FOXO1: variants seen among roughly 807,000 people sequenced by gnomAD.
FOXO1 encodes the protein forkhead box O1.
Under a neutral mutation model 44.1 loss-of-function variants are expected in FOXO1, and 6 were observed. The observed-to-expected ratio is 0.14, with a 90% CI of 0.07 to 0.27. The LOEUF is 0.27. Ranked by LOEUF, FOXO1 falls within the 10% of genes least tolerant of loss-of-function variation. The pLI, the probability that FOXO1 is intolerant of heterozygous loss-of-function variation, is 1.00. For missense variants in FOXO1, 737 were observed against 888.8 expected (o/e 0.83, Z 2.17); for synonymous variants, 380 against 362.7 (o/e 1.05, Z -0.54).
chr13:40,664,272 G>A (rs1236949069), intron 1 of FOXO1, among the ~76,000 whole-genome samples: 1 of 152,176 alleles, frequency 6.6e-6, no homozygotes, highest in African/African-American at 2.4e-5. Flanking sequence ...ACTCCGTCTC[G>A]GAGGAGGGGA....
At chr13:40,570,746 G>A (rs1054934073) in intron 1 of FOXO1, among the ~76,000 whole-genome samples, 1 of 152,204 alleles carries the variant, frequency 6.6e-6, no homozygotes, top group Non-Finnish European at 1.5e-5. Flanking sequence ...CTACAGTTTT[G>A]TGAAAGGAAG....
chr13:40,665,275 T>C (rs1566089233), intron 1 of FOXO1, among the ~76,000 whole-genome samples: 1 of 152,066 alleles, frequency 6.6e-6, no homozygotes, highest in Non-Finnish European at 1.5e-5. Flanking sequence ...AGCGAACCCC[T>C]TTCTCCTTTC....
rs1030291335 is a variant in FOXO1 at position 40,665,878 on chromosome 13, C to A, written c.335G>T (p.Gly112Val). 2.6e-4 allele frequency: 293 copies of A among 1,141,170 alleles called. No homozygotes were observed. The highest frequency in any genetic ancestry group is 3.0e-4 in the Non-Finnish European group (280 of 932,390). 70.7% of individuals were successfully genotyped at this position (1,141,170 alleles called of 1,614,324 possible). The change falls in exon 1 of 3, where the codon GGC (glycine) becomes GTC (valine). Residue 112 changes from glycine (G) to valine (V), a missense_variant. By Grantham distance (109) the Gly-to-Val change is moderately radical. This residue lies in a region of FOXO1 where 213 missense variants were observed against 236.4 expected (regional missense o/e 0.90). Coordinates refer to ENST00000379561, the MANE Select transcript of FOXO1 (RefSeq NM_002015.4). ...ATGGLCGDFQGPEAGCLHPAP... is the reference protein window; with the variant it reads ...ATGGLCGDFQVPEAGCLHPAP... ...TGGGTGCAGGCAGCCCGCCTCCGGGCCCTGGAAGTCCCCGCACAGCCCCCC... is the reference window on the plus strand; with the variant it reads ...TGGGTGCAGGCAGCCCGCCTCCGGGACCTGGAAGTCCCCGCACAGCCCCCC...
chr13:40,612,079 T>C (rs910068034), intron 1 of FOXO1, among the ~76,000 whole-genome samples: 4 of 151,798 alleles, frequency 2.6e-5, no homozygotes, highest in Middle Eastern at 3.2e-3. Context: ...AATAAATAAA[T>C]AAACAAACAA....
chr13:40,660,626 G>T (rs9549254), intron 1 of FOXO1, among the ~76,000 whole-genome samples: 1 of 152,004 alleles, frequency 6.6e-6, no homozygotes, highest in African/African-American at 2.4e-5. Flanking sequence ...GTATCGCCTC[G>T]GAGAAGATTC....
At chr13:40,642,140 A>G (rs1877372754) in intron 1 of FOXO1, among the ~76,000 whole-genome samples, 2 of 152,228 alleles carry the variant, frequency 1.3e-5, no homozygotes, top group South Asian at 4.1e-4. Context: ...ACTAAAATAA[A>G]AGGCATTTAT....
chr13:40,615,938 C>T (rs1414463227), intron 1 of FOXO1, among the ~76,000 whole-genome samples: 11 of 152,182 alleles, frequency 7.2e-5, no homozygotes, highest in Non-Finnish European at 1.2e-4. Context: ...GCAGAGGATC[C>T]GTCTGGCCTT....
intron 1 of FOXO1, among the ~76,000 whole-genome samples, chr13:40,575,820 G>A (rs890006146): frequency 6.6e-6 from 1 of 152,148 alleles, no homozygotes; most frequent in African/African-American, 2.4e-5. Context: ...TGCAGCACAC[G>A]CAAAACAAGA....
chr13:40,655,331 A>G (rs982182165), intron 1 of FOXO1, among the ~76,000 whole-genome samples: 1 of 145,846 alleles, frequency 6.9e-6, no homozygotes, highest in Non-Finnish European at 1.5e-5. Flanking sequence ...GCTTGGTGAC[A>G]GAGTTAGACC....
intron 1 of FOXO1, among the ~76,000 whole-genome samples, chr13:40,609,258 G>A (rs1224996294): frequency 1.3e-5 from 2 of 152,084 alleles, no homozygotes; most frequent in African/African-American, 4.8e-5. Context: ...ATACCAAACT[G>A]GGAGCCTACT....
intron 1 of FOXO1, among the ~76,000 whole-genome samples, chr13:40,624,167 C>T (rs2137906121): frequency 6.6e-6 from 1 of 151,848 alleles, no homozygotes; most frequent in East Asian, 1.9e-4. Context: ...AGACGACCCT[C>T]TGCAGAAGAA....
rs1020662472 is a variant in FOXO1 at position 40,559,504 on chromosome 13, C to A, written c.*14+5G>T. 1 of 1,554,368 alleles carries A rather than the reference C, an allele frequency of 6.4e-7. No individual in the cohort carries two copies. The highest frequency in any genetic ancestry group is 1.7e-4 in the Middle Eastern group (1 of 5,782). On this transcript the variant is annotated splice_donor_5th_base_variant and intron_variant, in intron 2 of 2. Coordinates refer to ENST00000379561, the MANE Select transcript of FOXO1 (RefSeq NM_002015.4). ...AAAGGTCTTTTGATATTGGGGTGAA[C>A]TTACCTGCTCACTAACCCTCAGCCT...
intron 1 of FOXO1, among the ~76,000 whole-genome samples, chr13:40,664,825 CCGCCACCGCCCG>C (rs1392323764): frequency 6.6e-6 from 1 of 151,148 alleles, no homozygotes; most frequent in East Asian, 2.0e-4. Context: ...GCCACCGCCA[CCGCCACCGCCCG>C]CGCCCGCCCC....
chr13:40,627,280 C>T (rs1369129557), intron 1 of FOXO1, among the ~76,000 whole-genome samples: 5 of 152,186 alleles, frequency 3.3e-5, no homozygotes, highest in Non-Finnish European at 7.3e-5. Flanking sequence ...AGATCACATT[C>T]ACACACCTGC....
At chr13:40,601,380 G>A (rs984290246) in intron 1 of FOXO1, among the ~76,000 whole-genome samples, 2 of 152,184 alleles carry the variant, frequency 1.3e-5, no homozygotes, top group Non-Finnish European at 2.9e-5. Context: ...AAGCTGGCAA[G>A]CTTTATACAT....
intron 1 of FOXO1, chr13:40,620,212 A>G: frequency 6.4e-7 from 1 of 1,568,056 alleles, no homozygotes; most frequent in Non-Finnish European, 8.8e-7. Context: ...ACGACATCCA[A>G]CAATCACACT....
intron 1 of FOXO1, among the ~76,000 whole-genome samples, chr13:40,634,663 C>CAACAAAGG (rs569450354): frequency 1.3e-5 from 2 of 151,922 alleles, no homozygotes; most frequent in Non-Finnish European, 2.9e-5. Context: ...AAAAAGAAAG[C>CAACAAAGG]AACAAAGGTG....
chr13:40,582,162 C>T (rs1207030540), intron 1 of FOXO1, among the ~76,000 whole-genome samples: 3 of 152,126 alleles, frequency 2.0e-5, no homozygotes, highest in African/African-American at 7.2e-5. Context: ...ATTTTTGTTT[C>T]CCTGTGCATA....
chr13:40,641,178 C>T (rs1237244481), intron 1 of FOXO1, among the ~76,000 whole-genome samples: 1 of 152,120 alleles, frequency 6.6e-6, no homozygotes, highest in African/African-American at 2.4e-5. Flanking sequence ...GTCTTCTAGG[C>T]AGTATGTGTA....
Sources: allele counts gnomAD v4.1 joint callset (sites outside exome capture counted in the v4.1 genomes callset), GRCh38; gene constraint gnomAD v4.1.1; regional missense constraint gnomAD v4.1.1; transcripts MANE v1.5; gene names NCBI Gene and HGNC (gene_info 2026-07-23, HGNC 2026-07-21).